Variants in FAM3B observed in about 807,000 individuals in gnomAD.
FAM3B encodes the protein protein FAM3B.
FAM3B carries 29 observed loss-of-function variants against 28.4 expected under a neutral mutation model. The ratio of observed to expected loss-of-function variants is 1.02; its 90% CI spans 0.76 to 1.39. FAM3B has a LOEUF of 1.39. FAM3B is among the 40% of genes most tolerant of loss of function. The pLI is 0.00. For synonymous variants in FAM3B, 91 were observed against 103.0 expected (o/e 0.88, Z 0.71); for missense variants, 266 against 293.9 (o/e 0.91, Z 0.69).
chr21:41,315,143 A>G (rs2088738992), upstream of FAM3B, among the ~76,000 whole-genome samples: 1 of 152,210 alleles, frequency 6.6e-6, no homozygotes, highest in Admixed American at 6.6e-5. Flanking sequence ...TACAGCATGG[A>G]TGAACTTGGA....
At chr21:41,304,520 C>T (rs925143279) in intron 1 of FAM3B, among the ~76,000 whole-genome samples, 2 of 152,218 alleles carry the variant, frequency 1.3e-5, no homozygotes, top group African/African-American at 4.8e-5. Context: ...AATTCTCAGC[C>T]CCTAGGAGAC....
chr21:41,327,163 A>C (rs1306565793), intron 2 of FAM3B, among the ~76,000 whole-genome samples: 1 of 152,260 alleles, frequency 6.6e-6, no homozygotes, highest in African/African-American at 2.4e-5. Flanking sequence ...CTAGTTTTAG[A>C]ATGAAAAATG....
At chr21:41,334,029 G>C (rs2088930209) in intron 2 of FAM3B, among the ~76,000 whole-genome samples, 1 of 152,190 alleles carries the variant, frequency 6.6e-6, no homozygotes, top group Non-Finnish European at 1.5e-5. Context: ...ATCATTTAGG[G>C]TATCTGATGG....
At chr21:41,309,591 G>A (rs2088699026) in intron 1 of FAM3B, among the ~76,000 whole-genome samples, 1 of 152,234 alleles carries the variant, frequency 6.6e-6, no homozygotes, top group Non-Finnish European at 1.5e-5. Flanking sequence ...GTTTCAGGGT[G>A]CATTGCTGCA....
At chr21:41,307,010 C>G (rs1440328065) in intron 1 of FAM3B, among the ~76,000 whole-genome samples, 2 of 152,246 alleles carry the variant, frequency 1.3e-5, no homozygotes, top group Non-Finnish European at 2.9e-5. Context: ...TAGCCTGTCT[C>G]TGAAGCTTCG....
At chr21:41,322,780 A>G in intron 1 of FAM3B, 143 bp from the exon 2 acceptor site, 16 of 1,199,594 alleles carry the variant, frequency 1.3e-5, no homozygotes, top group Non-Finnish European at 2.0e-5. Flanking sequence ...CCACCCTGGG[A>G]GCCTCCTCCC....
At chr21:41,327,812 T>C (rs1447941630) in intron 2 of FAM3B, among the ~76,000 whole-genome samples, 4 of 152,220 alleles carry the variant, frequency 2.6e-5, no homozygotes, top group African/African-American at 4.8e-5. Flanking sequence ...ACTGTTGTCC[T>C]AATGACCACA....
upstream of FAM3B, among the ~76,000 whole-genome samples, chr21:41,316,142 T>A (rs185239722): frequency 2.5e-3 from 384 of 152,308 alleles, 3 homozygotes; most frequent in Non-Finnish European, 1.5e-3. Context: ...TATTCCTGTT[T>A]GGGGATCCTG....
chr21:41,332,911 T>C (rs1468647857), intron 2 of FAM3B, among the ~76,000 whole-genome samples: 3 of 152,106 alleles, frequency 2.0e-5, no homozygotes, highest in East Asian at 1.9e-4. Flanking sequence ...TTTTCTATTG[T>C]TTTTCTAGTC....
At chr21:41,353,031 C>A (rs1304971531) in intron 7 of FAM3B, among the ~76,000 whole-genome samples, 3 of 151,982 alleles carry the variant, frequency 2.0e-5, no homozygotes, top group Admixed American at 2.0e-4. Flanking sequence ...CAATGAACAA[C>A]CTGAAGATGA....
exon 1 of FAM3B, chr21:41,304,292 G>A (rs1349113201): frequency 2.2e-6 from 1 of 456,216 alleles, no homozygotes; most frequent in African/African-American, 2.0e-5. Flanking sequence ...ACCGTGCGAA[G>A]GCAGGAGCCC....
Position 41,322,964 on chromosome 21 carries a change from G to T in FAM3B, c.61G>T (p.Ala21Ser), listed in dbSNP as rs1297616293. The change falls in exon 2 of 8, where the codon GCC becomes TCC. Residue 21 changes from alanine (A) to serine (S), a missense_variant. Coordinates refer to ENST00000357985, the MANE Select transcript of FAM3B (RefSeq NM_058186.4). ...GTTCGTGGTCTTCGCCTCCTTGTGTGCCTGGTATTCGGGGTACCTGCTCGC... is the reference window on the plus strand; with the variant it reads ...GTTCGTGGTCTTCGCCTCCTTGTGTTCCTGGTATTCGGGGTACCTGCTCGC... ...VVFVVFASLCAWYSGYLLAEL... is the reference protein window; with the variant it reads ...VVFVVFASLCSWYSGYLLAEL... 1 of 1,613,276 alleles carries T rather than the reference G, an allele frequency of 6.2e-7. No individual in the cohort carries two copies. The highest frequency in any genetic ancestry group is 8.5e-7 in the Non-Finnish European group (1 of 1,180,030).
At chr21:41,337,835 G>C (rs2088969214) in intron 2 of FAM3B, among the ~76,000 whole-genome samples, 1 of 151,688 alleles carries the variant, frequency 6.6e-6, no homozygotes, top group Non-Finnish European at 1.5e-5. Flanking sequence ...ACATCATGTG[G>C]TGTGTGTGCA....
chr21:41,339,144 T>C (rs1387254656), intron 3 of FAM3B, among the ~76,000 whole-genome samples: 1 of 152,256 alleles, frequency 6.6e-6, no homozygotes, highest in Non-Finnish European at 1.5e-5. Context: ...TTATTTCTTC[T>C]TTAAATATTT....
intron 2 of FAM3B, among the ~76,000 whole-genome samples, chr21:41,332,162 A>C (rs1601359168): frequency 6.6e-6 from 1 of 152,114 alleles, no homozygotes; most frequent in Admixed American, 6.5e-5. Context: ...GCTCTATCTC[A>C]CTTGCTCCTG....
At chr21:41,306,692 G>A (rs2088684664) in intron 1 of FAM3B, among the ~76,000 whole-genome samples, 2 of 152,170 alleles carry the variant, frequency 1.3e-5, no homozygotes, top group South Asian at 2.1e-4. Flanking sequence ...AAACAGACGG[G>A]CTGTCATCTA....
intron 2 of FAM3B, among the ~76,000 whole-genome samples, chr21:41,325,723 T>C (rs999186952): frequency 3.9e-5 from 6 of 152,214 alleles, no homozygotes; most frequent in Non-Finnish European, 8.8e-5. Context: ...GTATCTAAAT[T>C]TCATAAAACC....
At chr21:41,314,859 T>C (rs895270558), upstream of FAM3B, among the ~76,000 whole-genome samples, 1 of 151,994 alleles carries the variant, frequency 6.6e-6, no homozygotes, top group Non-Finnish European at 1.5e-5. Context: ...ATTGTGCAGC[T>C]ATGGAAAACA....
At chr21:41,309,086 C>T (rs755897360) in intron 1 of FAM3B, among the ~76,000 whole-genome samples, 2 of 152,088 alleles carry the variant, frequency 1.3e-5, no homozygotes, top group Non-Finnish European at 2.9e-5. Flanking sequence ...GGGCTACACA[C>T]AGACTTTGTG....
Sources: allele counts gnomAD v4.1 joint callset (sites outside exome capture counted in the v4.1 genomes callset), GRCh38; gene constraint gnomAD v4.1.1; transcripts MANE v1.5; gene names NCBI Gene and HGNC (gene_info 2026-07-23, HGNC 2026-07-21).